Variants in PPP1R14B observed in about 807,000 individuals in gnomAD.
PPP1R14B encodes the protein protein phosphatase 1 regulatory inhibitor subunit 14B, also known as protein phosphatase 1 regulatory subunit 14B.
Under a neutral mutation model 14.7 loss-of-function variants are expected in PPP1R14B, and 4 were observed. That is an observed-to-expected ratio of 0.27 (90% CI 0.13 to 0.62). PPP1R14B has a LOEUF of 0.62. Among genes scored for constraint, PPP1R14B ranks in the 20% least tolerant of loss-of-function variants. PPP1R14B has a pLI of 0.85. For missense variants in PPP1R14B, 138 were observed against 201.5 expected, an observed-to-expected ratio of 0.68 and a Z score of 1.91; for synonymous variants, 76 against 87.3, an observed-to-expected ratio of 0.87 and a Z score of 0.72.
chr11:64,245,595 GCCC>G (rs71045751), intron 1 of PPP1R14B: 60,103 of 364,124 alleles, frequency 0.17, 5,621 homozygotes, highest in Admixed American at 0.28. Flanking sequence ...CAACATCCGG[GCCC>G]CCCATCTCAC....
At chr11:64,245,471 G>C in intron 1 of PPP1R14B, 184 bp from the exon 2 acceptor site, 2 of 285,922 alleles carry the variant, frequency 7.0e-6, no homozygotes, top group Non-Finnish European at 5.9e-6. Context: ...ACTGCCCAAA[G>C]CGGGGTGGGG....
rs1332645594 is a variant in PPP1R14B at position 64,245,433 on chromosome 11, A to C, written c.259-146T>G. ...CAGAACAGCAGCTGCTCTGGGGAGG[A>C]AAACAGATCAGGCCCGTGCCAAGGC... On this transcript the variant is annotated intron_variant, in intron 1 of 3. Coordinates refer to ENST00000309318, the MANE Select transcript of PPP1R14B (RefSeq NM_138689.3). 8 of 637,976 alleles carry C rather than the reference A, an allele frequency of 1.3e-5. No individual in the cohort carries two copies. The South Asian group carries it at 1.4e-4, about 11-fold the overall frequency. The allele number at this position is 637,976 out of a possible 1,614,324, so 39.5% of individuals were successfully genotyped here. A position where few individuals can be genotyped will look rare whatever the true frequency, so the allele number is the denominator to read the frequency against.
At chr11:64,246,058 T>TA (rs1250110800) in intron 1 of PPP1R14B, 1 of 256,124 alleles carries the variant, frequency 3.9e-6, no homozygotes, top group Non-Finnish European at 7.6e-6. Context: ...CAGCACCTTG[T>TA]AACCACAGTC....
chr11:64,244,757 C>T lies in PPP1R14B; in HGVS notation c.441G>A (p.Lys147=), dbSNP rs2030800645. Reference sequence around the variant, plus strand: ...CGTTCTCCTGGGTCGGGGACCGTCACTTCTTCTGGGGTGTGCTCAGCTTCT... The same window carrying T: ...CGTTCTCCTGGGTCGGGGACCGTCATTTCTTCTGGGGTGTGCTCAGCTTCT... ...GMQKLSTPQK[K] The change falls in exon 4 of 4, where the codon AAG becomes AAA. Residue 147 remains lysine (K), a synonymous_variant. Transcript: ENST00000309318. The T allele has an allele frequency of 2.5e-6, 4 of 1,613,246 alleles. No individual in the cohort carries two copies. Among genetic ancestry groups the T allele is most frequent in the Non-Finnish European group, 3.4e-6 (4 of 1,179,812 alleles).
chr11:64,244,529 G>A lies in PPP1R14B; in HGVS notation c.*225C>T. ...GCTTTATTAAAGGGCCCGCGCCGCA[G>A]AGTCAATATAAAAACACAAAAAGTC... On this transcript the variant is annotated 3_prime_UTR_variant, in exon 4 of 4. Coordinates refer to ENST00000309318, the MANE Select transcript of PPP1R14B (RefSeq NM_138689.3). 7.8e-7 allele frequency: 1 copy of A among 1,284,216 alleles called. No homozygotes were observed. Among genetic ancestry groups the A allele is most frequent in the Admixed American group, 2.9e-5 (1 of 34,450 alleles). The allele number at this position is 1,284,216 out of a possible 1,614,324, so 79.6% of individuals were successfully genotyped here.
In PPP1R14B at chr11:64,245,197, C is replaced by T; in HGVS notation, c.342+7G>A. On this transcript the variant is annotated splice_region_variant and intron_variant, in intron 2 of 3. Transcript: ENST00000309318. ...TCAGGCAACCCATCGCCCCCCAGCC[C>T]CCTCACCTTGACCCTGGCAGCCCGG... 6.2e-7 allele frequency: 1 copy of T among 1,613,006 alleles called. No homozygotes were observed. The highest frequency in any genetic ancestry group is 1.3e-5 in the African/African-American group (1 of 75,026).
At chr11:64,245,063 C>T (rs952456112) in intron 2 of PPP1R14B, 101 bp from the exon 3 acceptor site, 24 of 1,454,810 alleles carry the variant, frequency 1.6e-5, no homozygotes, top group Non-Finnish European at 2.2e-5. Context: ...CCCTGAGGCA[C>T]AGGAGATGCC....
chr11:64,245,019 C>T (rs1488690543), intron 2 of PPP1R14B, 57 bp from the exon 3 acceptor site: 1 of 1,538,264 alleles, frequency 6.5e-7, no homozygotes, highest in African/African-American at 1.4e-5. Flanking sequence ...GGGCCTGGAG[C>T]TCGCCTATAC....
In PPP1R14B at chr11:64,244,841, T is replaced by C. The variant is rs1473388121; in HGVS notation, c.376-19A>G. The C allele has an allele frequency of 1.2e-6, 2 of 1,613,104 alleles. No individual in the cohort carries two copies. Among genetic ancestry groups the C allele is most frequent in the Non-Finnish European group, 1.7e-6 (2 of 1,179,776 alleles). ...TGAAGGCCTGGATGGGGTGGGAGGGTAAACATTAAGGAGACCAGACCCCAA... is the reference window on the plus strand; with the variant it reads ...TGAAGGCCTGGATGGGGTGGGAGGGCAAACATTAAGGAGACCAGACCCCAA... On this transcript the variant is annotated intron_variant, in intron 3 of 3. Coordinates refer to ENST00000309318, the MANE Select transcript of PPP1R14B (RefSeq NM_138689.3).
At position 64,246,739 on chromosome 11, in the gene PPP1R14B, C is replaced by T. The variant is rs2030895349; in HGVS notation, c.-66G>A. 2 of 992,980 alleles carry T rather than the reference C, an allele frequency of 2.0e-6. No individual in the cohort carries two copies. Among genetic ancestry groups the T allele is most frequent in the South Asian group, 4.6e-5 (1 of 21,528 alleles). 61.5% of individuals were successfully genotyped at this position (992,980 alleles called of 1,614,324 possible). A position where few individuals can be genotyped will look rare whatever the true frequency, so the allele number is the denominator to read the frequency against. ...TGCGCCACCGCCTCCGGGACGCCCGCCGGCTGGCTCGGGTTAGCTCGCCGG... is the reference window on the plus strand; with the variant it reads ...TGCGCCACCGCCTCCGGGACGCCCGTCGGCTGGCTCGGGTTAGCTCGCCGG... On this transcript the variant is annotated 5_prime_UTR_variant, in exon 1 of 4. Coordinates refer to ENST00000309318, the MANE Select transcript of PPP1R14B (RefSeq NM_138689.3).
intron 2 of PPP1R14B, 30 bp downstream of exon 2, chr11:64,245,174 A>G: frequency 1.9e-6 from 3 of 1,605,528 alleles, no homozygotes; most frequent in Non-Finnish European, 2.6e-6. Context: ...GCAGTGCCTC[A>G]GGCAACCCAT....
chr11:64,245,094 C>A, intron 2 of PPP1R14B, 110 bp downstream of exon 2: 5 of 1,462,600 alleles, frequency 3.4e-6, no homozygotes, highest in Non-Finnish European at 4.7e-6. Context: ...CACAGCTAGG[C>A]ATTGGCCCCA....
In PPP1R14B at chr11:64,244,575, A is replaced by C. The variant is rs2030791458; in HGVS notation, c.*179T>G. ...AAGTCCCATCAGTTTAATAACAATA[A>C]AAAACCCCAAAAGTGGAAAACTGAG... On this transcript the variant is annotated 3_prime_UTR_variant, in exon 4 of 4. Transcript: ENST00000309318. 7 of 1,390,048 alleles carry C rather than the reference A, an allele frequency of 5.0e-6. No homozygotes were observed. The highest frequency in any genetic ancestry group is 6.7e-6 in the Non-Finnish European group (7 of 1,040,976). The allele number at this position is 1,390,048 out of a possible 1,614,324, so 86.1% of individuals were successfully genotyped here. A position where few individuals can be genotyped will look rare whatever the true frequency, so the allele number is the denominator to read the frequency against.
At chr11:64,245,004 A>G (rs762252821) in intron 2 of PPP1R14B, 42 bp from the exon 3 acceptor site, 27 of 1,581,490 alleles carry the variant, frequency 1.7e-5, no homozygotes, top group African/African-American at 5.4e-5. Flanking sequence ...AGTCCTCAGG[A>G]GTGGGGGCCT....
At position 64,245,235 on chromosome 11, in the gene PPP1R14B, T is replaced by G; in HGVS notation, c.311A>C (p.Glu104Ala). ...CCTGGCAGCCCGGGCATCGTCACTC[T>G]CCATGTCCAGGAGCTCATCCACGTC... ...EIDVDELLDM[E>A]SDDARAARVK... is the part of the protein sequence containing the mutation. Residue 104 changes from glutamate to alanine, a missense_variant, in exon 2 of 4, where the codon GAG becomes GCG. By Grantham distance (107) the Glu-to-Ala change is moderately radical. Around this residue, in one of 3 missense-constraint regions of PPP1R14B, gnomAD observed 84 missense variants for 137.5 expected, o/e 0.61. Coordinates refer to ENST00000309318, the MANE Select transcript of PPP1R14B (RefSeq NM_138689.3). 1 of 1,612,866 alleles carries G rather than the reference T, an allele frequency of 6.2e-7. No individual in the cohort carries two copies. Among genetic ancestry groups the G allele is most frequent in the Non-Finnish European group, 8.5e-7 (1 of 1,179,488 alleles).
chr11:64,244,987 A>G (rs956486084), intron 2 of PPP1R14B, 25 bp from the exon 3 acceptor site: 1 of 1,603,764 alleles, frequency 6.2e-7, no homozygotes, highest in Non-Finnish European at 8.5e-7. Context: ...GGGAGGAAGG[A>G]TAAGTGAGTC....
At position 64,244,630 on chromosome 11, in the gene PPP1R14B, G is replaced by A. The variant is rs2030794466; in HGVS notation, c.*124C>T. On this transcript the variant is annotated 3_prime_UTR_variant, in exon 4 of 4. Transcript: ENST00000309318. ...CAGGGGAAGAGACCCCTGGGCCAGG[G>A]GCACGAGGAGCCCTGCTCATGGCAC... The A allele has an allele frequency of 1.3e-6, 2 of 1,486,496 alleles. No homozygotes were observed. Among genetic ancestry groups the A allele is most frequent in the African/African-American group, 1.4e-5 (1 of 71,984 alleles). 92.1% of individuals were successfully genotyped at this position (1,486,496 alleles called of 1,614,324 possible).
At chr11:64,246,328 C>T (rs865908727) in intron 1 of PPP1R14B, 88 bp downstream of exon 1, 247 of 1,517,856 alleles carry the variant, frequency 1.6e-4, no homozygotes, top group Admixed American at 5.3e-4. Context: ...CGCCCTTTGA[C>T]TCCAGTGACA....
At position 64,246,630 on chromosome 11, in the gene PPP1R14B, G is replaced by A. The variant is rs1189323531; in HGVS notation, c.44C>T (p.Pro15Leu). Reference sequence around the variant, plus strand: ...GCCGCCACTGCCCGGCCCGGGGGCCGGGGCCGCCAACGCCGCGCCCCCCGC... The same window carrying A: ...GCCGCCACTGCCCGGCCCGGGGGCCAGGGCCGCCAACGCCGCGCCCCCCGC... ...GTAGGAALAA[P>L]APGPGSGGPG... Residue 15 changes from proline (P) to leucine (L), a missense_variant, in exon 1 of 4, where the codon CCG becomes CTG. Physicochemically the swap from Pro to Leu is moderately conservative, Grantham distance 98 (BLOSUM62 -3). Transcript: ENST00000309318. 1 of 1,301,278 alleles carries A rather than the reference G, an allele frequency of 7.7e-7. No individual in the cohort carries two copies. The highest frequency in any genetic ancestry group is 9.8e-7 in the Non-Finnish European group (1 of 1,018,710). 80.6% of individuals were successfully genotyped at this position (1,301,278 alleles called of 1,614,324 possible).
Sources: allele counts gnomAD v4.1 joint callset, GRCh38; gene constraint gnomAD v4.1.1; regional missense constraint gnomAD v4.1.1; transcripts MANE v1.5; gene names NCBI Gene and HGNC (gene_info 2026-07-23, HGNC 2026-07-21).